The following PLCB1 variants were observed in gnomAD, a reference collection of about 807,000 sequenced individuals.
PLCB1 encodes the protein phospholipase C beta 1.
PLCB1 carries 46 observed loss-of-function variants against 161.8 expected under a neutral mutation model. The observed-to-expected ratio is 0.28, with a 90% confidence interval of 0.22 to 0.36. PLCB1 has a LOEUF of 0.36. Ranked by LOEUF, PLCB1 falls within the 10% of genes least tolerant of loss-of-function variation. The probability of loss-of-function intolerance (pLI) is 1.00; values close to 1 mark genes in which losing one functional copy is unlikely to be tolerated. For missense variants in PLCB1, 1,016 were observed against 1,472.5 expected (o/e 0.69, Z 5.07); for synonymous variants, 517 against 503.7 (o/e 1.03, Z -0.35).
intron 19 of PLCB1, among the ~76,000 whole-genome samples, chr20:8,734,024 AGGCTGAGACAGGAGAAT>A (rs1311910264): frequency 2.0e-5 from 3 of 146,852 alleles, no homozygotes; most frequent in Non-Finnish European, 4.5e-5. Context: ...GCTACTCAAG[AGGCTGAGACAGGAGAAT>A]GGCGTGAACC....
chr20:8,535,645 T>C (rs865963881), intron 3 of PLCB1, among the ~76,000 whole-genome samples: 3 of 152,136 alleles, frequency 2.0e-5, no homozygotes, highest in Non-Finnish European at 4.4e-5. Context: ...CAGCCCAAAA[T>C]GTGAGTAGCT....
intron 3 of PLCB1, among the ~76,000 whole-genome samples, chr20:8,495,980 T>G (rs1983155169): frequency 6.6e-6 from 1 of 152,156 alleles, no homozygotes; most frequent in African/African-American, 2.4e-5. Context: ...CTACATTAGG[T>G]TTTCCTCCAT....
In PLCB1 at chr20:8,692,557, A is replaced by G. The variant is rs923453925; in HGVS notation, c.1010-5069A>G. ...GCCAGGGTTCTTGTGGCTGAAAGTAATAGGATGCTATTATTTAATGGCTTA... is the reference window on the plus strand; with the variant it reads ...GCCAGGGTTCTTGTGGCTGAAAGTAGTAGGATGCTATTATTTAATGGCTTA... On this transcript the variant is annotated intron_variant, in intron 10 of 31. Transcript: ENST00000338037. Among the ~76,000 whole-genome samples, 91 of 152,194 alleles carry G rather than the reference A, an allele frequency of 6.0e-4. 1 individual carries two copies. Among genetic ancestry groups the G allele is most frequent in the Non-Finnish European group, 1.3e-4 (9 of 68,020 alleles).
rs142186851 is a variant in PLCB1 at position 8,647,937 on chromosome 20, C to T, written c.502C>T (p.Arg168Cys). ...KLKLQVTPEGRIPLKNIYRLF... is the reference protein window; with the variant it reads ...KLKLQVTPEGCIPLKNIYRLF... ...TAAGCTGCAAGTCACTCCAGAAGGGCGTATTCCTCTCAAAAAGTAAGCTTT... is the reference window on the plus strand; with the variant it reads ...TAAGCTGCAAGTCACTCCAGAAGGGTGTATTCCTCTCAAAAAGTAAGCTTT... The change falls in exon 6 of 32, where the codon CGT (arginine) becomes TGT (cysteine). Residue 168 changes from arginine to cysteine, a missense_variant. Physicochemically the swap from Arg to Cys is radical, Grantham distance 180. This residue lies in a region of PLCB1 where 181 missense variants were observed against 236.7 expected (regional missense o/e 0.76). Transcript: ENST00000338037. 8 of 1,570,032 alleles carry T rather than the reference C, an allele frequency of 5.1e-6. No homozygotes were observed. The highest frequency in any genetic ancestry group is 6.9e-6 in the Non-Finnish European group (8 of 1,163,920).
At chr20:8,644,375 C>G (rs1225604305) in intron 4 of PLCB1, among the ~76,000 whole-genome samples, 2 of 144,272 alleles carry the variant, frequency 1.4e-5, no homozygotes, top group Non-Finnish European at 3.0e-5. Context: ...GCCGCCATCC[C>G]ATCTAGGAAG....
At chr20:8,199,182 G>T (rs6039087) in intron 2 of PLCB1, among the ~76,000 whole-genome samples, 1 of 151,924 alleles carries the variant, frequency 6.6e-6, no homozygotes, top group Non-Finnish European at 1.5e-5. Flanking sequence ...TTAAAGGCTG[G>T]ACAGTAGCCC....
chr20:8,863,577 G>A (rs568503778), intron 31 of PLCB1, among the ~76,000 whole-genome samples: 1 of 152,328 alleles, frequency 6.6e-6, no homozygotes. Context: ...GATCCCAGAT[G>A]AAGCTGATGC....
At chr20:8,197,905 G>A (rs570441292) in intron 2 of PLCB1, among the ~76,000 whole-genome samples, 2,754 of 152,070 alleles carry the variant, frequency 0.018, 101 homozygotes, top group African/African-American at 0.063. Context: ...AGCACTATTT[G>A]TTAAATAGGG....
intron 3 of PLCB1, among the ~76,000 whole-genome samples, chr20:8,546,009 G>T (rs774237907): frequency 1.3e-5 from 2 of 152,106 alleles, no homozygotes; most frequent in African/African-American, 4.8e-5. Context: ...CTAGCAGATT[G>T]TTGAACATAA....
At chr20:8,572,750 A>G (rs1053650566) in intron 3 of PLCB1, among the ~76,000 whole-genome samples, 14 of 152,298 alleles carry the variant, frequency 9.2e-5, no homozygotes, top group African/African-American at 3.4e-4. Context: ...TTTCAGGACA[A>G]TGACTGCAGA....
chr20:8,324,579 A>T (rs919785987), intron 2 of PLCB1, among the ~76,000 whole-genome samples: 7 of 152,132 alleles, frequency 4.6e-5, no homozygotes, highest in Middle Eastern at 6.8e-3. Context: ...TGATACGGGG[A>T]CTCCAAGGGT....
At chr20:8,264,056 C>T (rs751072598) in intron 2 of PLCB1, among the ~76,000 whole-genome samples, 1 of 152,180 alleles carries the variant, frequency 6.6e-6, no homozygotes, top group Non-Finnish European at 1.5e-5. Context: ...GAACACTCAG[C>T]TTGAAACACA....
At chr20:8,447,430 C>T (rs1310101050) in intron 3 of PLCB1, among the ~76,000 whole-genome samples, 1 of 152,190 alleles carries the variant, frequency 6.6e-6, no homozygotes, top group African/African-American at 2.4e-5. Context: ...ATTCCAAAAA[C>T]TCTCCAGACA....
chr20:8,287,963 T>C (rs1568618630), intron 2 of PLCB1, among the ~76,000 whole-genome samples: 1 of 152,208 alleles, frequency 6.6e-6, no homozygotes, highest in African/African-American at 2.4e-5. Flanking sequence ...CAGCAGCTTA[T>C]TAAATGCCCT....
intron 3 of PLCB1, among the ~76,000 whole-genome samples, chr20:8,568,137 A>C (rs1003010860): frequency 2.6e-5 from 4 of 152,200 alleles, no homozygotes; most frequent in Admixed American, 1.3e-4. Context: ...GCAATCTTTA[A>C]AACACCGTCT....
chr20:8,349,882 A>T (rs965176056), intron 2 of PLCB1, among the ~76,000 whole-genome samples: 1 of 152,158 alleles, frequency 6.6e-6, no homozygotes, highest in African/African-American at 2.4e-5. Flanking sequence ...TCAATATATT[A>T]AAAAAGACCC....
At chr20:8,560,268 T>C (rs1986100943) in intron 3 of PLCB1, among the ~76,000 whole-genome samples, 1 of 152,020 alleles carries the variant, frequency 6.6e-6, no homozygotes, top group Non-Finnish European at 1.5e-5. Flanking sequence ...TTCTCCATTT[T>C]GGCTGTACAT....
At chr20:8,788,325 C>T (rs1439087108) in intron 27 of PLCB1, 124 bp from the exon 28 acceptor site, 3 of 843,694 alleles carry the variant, frequency 3.6e-6, no homozygotes, top group African/African-American at 3.4e-5. Flanking sequence ...TGTCTGACAA[C>T]TTTAACTATT....
chr20:8,210,982 C>G (rs554018518), intron 2 of PLCB1, among the ~76,000 whole-genome samples: 168 of 152,216 alleles, frequency 1.1e-3, no homozygotes, highest in Non-Finnish European at 1.6e-3. Flanking sequence ...TGCATGCATT[C>G]TCAATAGCAG....
Sources: allele counts gnomAD v4.1 joint callset (sites outside exome capture counted in the v4.1 genomes callset), GRCh38; gene constraint gnomAD v4.1.1; regional missense constraint gnomAD v4.1.1; transcripts MANE v1.5; gene names NCBI Gene and HGNC (gene_info 2026-07-23, HGNC 2026-07-21).